Variants in FBXL7 observed in about 807,000 individuals in gnomAD.
FBXL7 encodes the protein F-box/LRR-repeat protein 7.
A neutral mutation model predicts 38.3 loss-of-function variants in FBXL7; 12 were observed. The ratio of observed to expected loss-of-function variants is 0.31; its 90% CI spans 0.20 to 0.51. The LOEUF is 0.51. FBXL7 is among the 20% of genes least tolerant of loss of function. The probability of loss-of-function intolerance (pLI) is 0.98; values close to 1 mark genes in which losing one functional copy is unlikely to be tolerated. For synonymous variants in FBXL7, 297 were observed against 300.9 expected (o/e 0.99, Z 0.13); for missense variants, 567 against 676.4 (o/e 0.84, Z 1.79).
intron 2 of FBXL7, among the ~76,000 whole-genome samples, chr5:15,763,861 C>T (rs761586610): frequency 3.9e-5 from 6 of 152,152 alleles, no homozygotes; most frequent in Non-Finnish European, 8.8e-5. Flanking sequence ...ATTATGGTGG[C>T]TAGTCCCACA....
chr5:15,861,900 A>G (rs1739491111), intron 2 of FBXL7, among the ~76,000 whole-genome samples: 1 of 152,218 alleles, frequency 6.6e-6, no homozygotes, highest in Non-Finnish European at 1.5e-5. Context: ...CTACAAATAC[A>G]TATTTTAATA....
chr5:15,653,990 G>T (rs766666414), intron 2 of FBXL7, among the ~76,000 whole-genome samples: 1 of 152,048 alleles, frequency 6.6e-6, no homozygotes, highest in Non-Finnish European at 1.5e-5. Context: ...ACTCAAACTT[G>T]GAAAACTAGT....
At chr5:15,712,366 A>C (rs1743902907) in intron 2 of FBXL7, among the ~76,000 whole-genome samples, 1 of 127,166 alleles carries the variant, frequency 7.9e-6, no homozygotes, top group Non-Finnish European at 1.7e-5. Flanking sequence ...AAAAAAAAAA[A>C]ACCTAAAACG....
intron 2 of FBXL7, among the ~76,000 whole-genome samples, chr5:15,732,173 G>A (rs138243948): frequency 6.0e-4 from 92 of 152,248 alleles, no homozygotes; most frequent in African/African-American, 2.0e-3. Flanking sequence ...GCTCTTATGC[G>A]AATTCCACAG....
At chr5:15,515,112 T>A (rs1487200177) in intron 1 of FBXL7, among the ~76,000 whole-genome samples, 2 of 152,178 alleles carry the variant, frequency 1.3e-5, no homozygotes, top group Non-Finnish European at 2.9e-5. Flanking sequence ...AACAGGATGC[T>A]GTTTTGGCAG....
chr5:15,566,577 C>T (rs1738579569), intron 1 of FBXL7, among the ~76,000 whole-genome samples: 1 of 151,950 alleles, frequency 6.6e-6, no homozygotes, highest in Admixed American at 6.6e-5. Flanking sequence ...TTTTTTAATG[C>T]GAAAATGAAT....
intron 2 of FBXL7, among the ~76,000 whole-genome samples, chr5:15,829,827 AAAT>A (rs1738406489): frequency 6.6e-6 from 1 of 152,180 alleles, no homozygotes; most frequent in Admixed American, 6.5e-5. Flanking sequence ...TTTGTTATTA[AAAT>A]AATAAGGTGT....
intron 2 of FBXL7, among the ~76,000 whole-genome samples, chr5:15,633,374 A>G (rs1351105902): frequency 1.3e-5 from 2 of 152,166 alleles, no homozygotes; most frequent in African/African-American, 2.4e-5. Flanking sequence ...ATTTTTGAAT[A>G]ATAATCAATG....
chr5:15,836,140 T>A (rs1738585809), intron 2 of FBXL7, among the ~76,000 whole-genome samples: 1 of 152,206 alleles, frequency 6.6e-6, no homozygotes, highest in Non-Finnish European at 1.5e-5. Flanking sequence ...CTGCCTTTCA[T>A]GGTTCTTGTA....
chr5:15,934,720 T>TCCTGAAG (rs1554035461), intron 3 of FBXL7, among the ~76,000 whole-genome samples: 2 of 152,136 alleles, frequency 1.3e-5, no homozygotes, highest in African/African-American at 4.8e-5. Flanking sequence ...TCAGCCAAGG[T>TCCTGAAG]CCTGAAGACT....
Position 15,928,548 on chromosome 5 carries a change from T to TC in FBXL7, c.739+49dup. On this transcript the variant is annotated intron_variant, in intron 3 of 3. Transcript: ENST00000504595. The surrounding 1 kb of genome is among the most constrained non-coding windows in gnomAD (Gnocchi z 4.0). Reference sequence around the variant, plus strand: ...AGCTATGGGCCCTCCTGGTGCACCATCCTAAAACAGTGGGGACAGTGCCAC... The same window carrying TC: ...AGCTATGGGCCCTCCTGGTGCACCATCCCTAAAACAGTGGGGACAGTGCCAC... 1 of 1,562,192 alleles carries TC rather than the reference T, an allele frequency of 6.4e-7. No homozygotes were observed. Among genetic ancestry groups the TC allele is most frequent in the East Asian group, 2.3e-5 (1 of 44,350 alleles).
At chr5:15,867,056 T>G (rs1311904145) in intron 2 of FBXL7, among the ~76,000 whole-genome samples, 1 of 152,164 alleles carries the variant, frequency 6.6e-6, no homozygotes, top group Non-Finnish European at 1.5e-5. Flanking sequence ...TTTTTTCCAC[T>G]CTACATATAA....
intron 2 of FBXL7, among the ~76,000 whole-genome samples, chr5:15,687,407 C>G (rs1419591421): frequency 6.6e-6 from 1 of 152,220 alleles, no homozygotes; most frequent in African/African-American, 2.4e-5. Flanking sequence ...CCACTTAGAA[C>G]CTGCCCCTGT....
intron 2 of FBXL7, among the ~76,000 whole-genome samples, chr5:15,750,758 A>G (rs561799439): frequency 1.3e-5 from 2 of 152,154 alleles, no homozygotes; most frequent in East Asian, 1.9e-4. Flanking sequence ...TCCAGTTTCT[A>G]TATACCACCA....
intron 2 of FBXL7, among the ~76,000 whole-genome samples, chr5:15,916,958 G>T (rs1741599663): frequency 6.6e-6 from 1 of 152,154 alleles, no homozygotes; most frequent in African/African-American, 2.4e-5. Flanking sequence ...CTGTTTTAAT[G>T]CCTGTACTGA....
At chr5:15,604,729 C>T (rs1228296256) in intron 1 of FBXL7, among the ~76,000 whole-genome samples, 1 of 152,100 alleles carries the variant, frequency 6.6e-6, no homozygotes, top group Non-Finnish European at 1.5e-5. Flanking sequence ...GCTTCAAGGC[C>T]CTGTATGTGT....
intron 2 of FBXL7, among the ~76,000 whole-genome samples, chr5:15,894,479 G>A (rs1433004942): frequency 6.6e-6 from 1 of 152,148 alleles, no homozygotes; most frequent in African/African-American, 2.4e-5. Flanking sequence ...AGCACAAACA[G>A]TAAATTTCAG....
At chr5:15,844,281 T>C (rs257769) in intron 2 of FBXL7, among the ~76,000 whole-genome samples, 89,077 of 152,068 alleles carry the variant, frequency 0.59, 26,383 homozygotes, top group Non-Finnish European at 0.64. Flanking sequence ...ACTGCTTACA[T>C]CGGAGGTCTG....
intron 2 of FBXL7, among the ~76,000 whole-genome samples, chr5:15,783,167 A>G (rs1389475592): frequency 6.6e-6 from 1 of 152,166 alleles, no homozygotes; most frequent in Non-Finnish European, 1.5e-5. Context: ...TAGGTTGGAA[A>G]AAGAGGAACT....
Sources: allele counts gnomAD v4.1 joint callset (sites outside exome capture counted in the v4.1 genomes callset), GRCh38; gene constraint gnomAD v4.1.1; non-coding constraint Gnocchi (gnomAD v3.1); transcripts MANE v1.5; gene names NCBI Gene and HGNC (gene_info 2026-07-23, HGNC 2026-07-21).